Variants in APC observed in about 807,000 individuals in gnomAD.
APC encodes the protein adenomatous polyposis coli protein.
A neutral mutation model predicts 247.0 loss-of-function variants in APC; 72 were observed. That is an observed-to-expected ratio of 0.29 (90% CI 0.24 to 0.35). The LOEUF (loss-of-function observed/expected upper bound fraction) is 0.35. APC is among the 10% of genes least tolerant of loss of function. The pLI is 1.00. For synonymous variants in APC, 1,254 were observed against 1,162.5 expected (o/e 1.08, Z -1.60); for missense variants, 3,400 against 3,360.7 (o/e 1.01, Z -0.29).
At chr5:112,814,299 G>A (rs1762267304) in intron 8 of APC, among the ~76,000 whole-genome samples, 1 of 152,196 alleles carries the variant, frequency 6.6e-6, no homozygotes, top group African/African-American at 2.4e-5. Flanking sequence ...GTCCAGAGTT[G>A]CATCCTTTGT....
intron 1 of APC, among the ~76,000 whole-genome samples, chr5:112,708,348 G>A (rs1253249149): frequency 1.3e-5 from 2 of 152,204 alleles, no homozygotes; most frequent in Non-Finnish European, 2.9e-5. Flanking sequence ...TCACTTTGAT[G>A]GGAGAATCAA....
intron 7 of APC, among the ~76,000 whole-genome samples, chr5:112,799,371 G>A (rs966224476): frequency 3.3e-5 from 5 of 151,922 alleles, no homozygotes; most frequent in South Asian, 2.1e-4. Context: ...GCTAAGGAAT[G>A]TAGGAGTAAT....
chr5:112,760,000 G>A (rs1174458734), intron 2 of APC, among the ~76,000 whole-genome samples: 1 of 152,044 alleles, frequency 6.6e-6, no homozygotes, highest in Non-Finnish European at 1.5e-5. Context: ...TACTTTTAAG[G>A]ACACTGGAGG....
chr5:112,819,467 A>T (rs921393351), intron 10 of APC, 123 bp downstream of exon 10: 4 of 1,274,468 alleles, frequency 3.1e-6, no homozygotes, highest in Non-Finnish European at 4.5e-6. Flanking sequence ...CATATCAGCC[A>T]TTTGTGCTAC....
At chr5:112,790,154 C>G (rs998856978) in intron 6 of APC, among the ~76,000 whole-genome samples, 2 of 152,188 alleles carry the variant, frequency 1.3e-5, no homozygotes, top group Non-Finnish European at 2.9e-5. Context: ...GCCACGGTGC[C>G]TGGCCTGAGA....
chr5:112,836,231 A>G (rs538581002), intron 15 of APC, among the ~76,000 whole-genome samples: 1 of 134,954 alleles, frequency 7.4e-6, no homozygotes, highest in African/African-American at 2.8e-5. Context: ...GGGCTTCACC[A>G]TGTTGGCCAG....
At position 112,838,980 on chromosome 5, in the gene APC, T is replaced by C. The variant is rs143638171; in HGVS notation, c.3386T>C (p.Leu1129Ser). Residue 1129 changes from leucine (L) to serine (S), a missense_variant, in exon 16 of 16, where the codon TTG (leucine) becomes TCG (serine). Transcript: ENST00000257430. ...ATTAATCAAAATGTAAGCCAGTCTT[T>C]GTGTCAAGAAGATGACTATGAAGAT... is the stretch of plus-strand genomic sequence containing the variant. ...HGINQNVSQS[L>S]CQEDDYEDDK... is the part of the protein sequence containing the mutation. 6,710 of 1,614,108 alleles carry C rather than the reference T, an allele frequency of 4.2e-3. 23 individuals carry two copies. Among genetic ancestry groups the C allele is most frequent in the Non-Finnish European group, 5.3e-3 (6,236 of 1,180,028 alleles).
intron 8 of APC, among the ~76,000 whole-genome samples, chr5:112,814,516 A>G (rs1355129506): frequency 6.6e-6 from 1 of 152,148 alleles, no homozygotes; most frequent in Non-Finnish European, 1.5e-5. Context: ...CAAGCCAGTT[A>G]ATTTGACCTT....
chr5:112,832,891 G>C (rs1764443731), intron 14 of APC, among the ~76,000 whole-genome samples: 1 of 152,092 alleles, frequency 6.6e-6, no homozygotes, highest in Non-Finnish European at 1.5e-5. Context: ...ACTGGTATCA[G>C]TTTGCTATGT....
At chr5:112,726,448 A>G (rs916630342) in intron 1 of APC, among the ~76,000 whole-genome samples, 6 of 152,168 alleles carry the variant, frequency 3.9e-5, no homozygotes, top group Admixed American at 6.5e-5. Context: ...TCGGCGTTCA[A>G]ACATTCCTTT....
At chr5:112,828,364 T>C (rs1017767060) in intron 13 of APC, among the ~76,000 whole-genome samples, 3 of 151,682 alleles carry the variant, frequency 2.0e-5, no homozygotes, top group Non-Finnish European at 4.4e-5. Flanking sequence ...GTATAAAAGA[T>C]AGTTCCATTA....
intron 8 of APC, among the ~76,000 whole-genome samples, chr5:112,806,379 A>G (rs549602580): frequency 2.6e-5 from 4 of 152,300 alleles, no homozygotes; most frequent in Admixed American, 6.5e-5. Context: ...GTAGATAACA[A>G]TAAATATGTG....
At chr5:112,726,618 G>A (rs1384071444) in intron 1 of APC, among the ~76,000 whole-genome samples, 2 of 152,044 alleles carry the variant, frequency 1.3e-5, no homozygotes, top group East Asian at 3.9e-4. Flanking sequence ...TCCTATTTAG[G>A]GCTGCAGGTT....
At position 112,837,631 on chromosome 5, in the gene APC, T is replaced by C. The variant is rs1765095651; in HGVS notation, c.2037T>C (p.Asn679=). ...CTCATAGTTTGACAATAGTCAGTAA[T>C]GCATGTGGAACTTTGTGGAATCTCT... ...LKSHSLTIVS[N]ACGTLWNLSA... The change falls in exon 16 of 16, where the codon AAT becomes AAC. Residue 679 remains asparagine (N), a synonymous_variant. Transcript: ENST00000257430. 2 of 1,613,410 alleles carry C rather than the reference T, an allele frequency of 1.2e-6. No individual in the cohort carries two copies. The highest frequency in any genetic ancestry group is 1.7e-6 in the Non-Finnish European group (2 of 1,179,344).
At position 112,838,015 on chromosome 5, in the gene APC, T is replaced by A. The variant is rs2149868945; in HGVS notation, c.2421T>A (p.Asp807Glu). ...ATGTTTTTGACACCAATCGACATGA[T>A]GATAATAGGTCAGACAATTTTAATA... ...GDYVFDTNRH[D>E]DNRSDNFNTG... Residue 807 changes from aspartate (D) to glutamate (E), a missense_variant, in exon 16 of 16, where the codon GAT becomes GAA. Asp to Glu is a conservative substitution (Grantham distance 45). This residue lies in a region of APC where 91 missense variants were observed against 103.3 expected (regional missense o/e 0.88). Transcript: ENST00000257430. The A allele has an allele frequency of 6.2e-7, 1 of 1,614,144 alleles. No individual in the cohort carries two copies. The highest frequency in any genetic ancestry group is 8.5e-7 in the Non-Finnish European group (1 of 1,180,016).
chr5:112,780,823 T>C lies in APC; in HGVS notation c.565T>C (p.Leu189=), dbSNP rs762146761. The stretch of plus-strand genomic sequence containing the variant: ...ACAAACAGATATGACCAGAAGGCAA[T>C]TGGAATATGAAGCAAGGCAAATCAG... ...SLQTDMTRRQ[L]EYEARQIRVA... Residue 189 remains leucine, a synonymous_variant, in exon 6 of 16, where the codon TTG becomes CTG. Transcript: ENST00000257430. 6.2e-6 allele frequency: 10 copies of C among 1,613,094 alleles called. No homozygotes were observed. The highest frequency in any genetic ancestry group is 1.6e-4 in the Middle Eastern group (1 of 6,080).
At chr5:112,707,670 T>G in exon 1 of APC, 1 of 1,369,760 alleles carries the variant, frequency 7.3e-7, no homozygotes, top group Non-Finnish European at 9.6e-7. Context: ...TGGCTGTTGG[T>G]GAGGAAGGTG....
chr5:112,720,366 T>C (rs1228576538), intron 1 of APC, among the ~76,000 whole-genome samples: 1 of 152,244 alleles, frequency 6.6e-6, no homozygotes, highest in Non-Finnish European at 1.5e-5. Context: ...TTCTCTTTCC[T>C]GCTATGTTAG....
intron 1 of APC, among the ~76,000 whole-genome samples, chr5:112,731,080 T>C (rs1752073864): frequency 6.6e-6 from 1 of 151,584 alleles, no homozygotes; most frequent in Non-Finnish European, 1.5e-5. Flanking sequence ...CATATAATTA[T>C]ATTTTACAAC....
Sources: allele counts gnomAD v4.1 joint callset (sites outside exome capture counted in the v4.1 genomes callset), GRCh38; gene constraint gnomAD v4.1.1; regional missense constraint gnomAD v4.1.1; transcripts MANE v1.5; gene names NCBI Gene and HGNC (gene_info 2026-07-23, HGNC 2026-07-21).